The following PPFIA2 variants were observed in gnomAD, a reference collection of about 807,000 sequenced individuals.
PPFIA2 encodes the protein PPFI scaffold protein A2.
In PPFIA2, 46 loss-of-function variants were observed where a neutral mutation model predicts 175.5. The observed-to-expected ratio is 0.26, with a 90% confidence interval of 0.21 to 0.34. The LOEUF is 0.34. Among genes scored for constraint, PPFIA2 ranks in the 10% least tolerant of loss-of-function variants. PPFIA2 has a pLI of 1.00. For missense variants in PPFIA2, 1,179 were observed against 1,506.1 expected (o/e 0.78, Z 3.60); for synonymous variants, 568 against 511.4 (o/e 1.11, Z -1.49).
chr12:81,404,225 T>C (rs1309870395), intron 8 of PPFIA2, among the ~76,000 whole-genome samples: 3 of 152,200 alleles, frequency 2.0e-5, no homozygotes, highest in African/African-American at 7.2e-5. Flanking sequence ...TCTGAAGTTG[T>C]TCATGTCTGA....
chr12:81,350,360 C>A (rs2059803298), intron 17 of PPFIA2: 2 of 152,134 alleles, frequency 1.3e-5, no homozygotes, highest in South Asian at 4.1e-4. Flanking sequence ...TAAAGGTGAG[C>A]AAAGCCAGAT....
chr12:81,398,864 G>C (rs533257133), intron 8 of PPFIA2, among the ~76,000 whole-genome samples: 1 of 151,972 alleles, frequency 6.6e-6, no homozygotes, highest in African/African-American at 2.4e-5. Context: ...ACAATACTAA[G>C]AGTTAAAATA....
chr12:81,405,894 A>C lies in PPFIA2; in HGVS notation c.655T>G (p.Leu219Val). 2 of 1,558,904 alleles carry C rather than the reference A, an allele frequency of 1.3e-6. No homozygotes were observed. Reference sequence around the variant, plus strand: ...TGTATATGAACATTTTGTTCACGCAAGGCAACAATCTGCAAAATAAAAGCA... The same window carrying C: ...TGTATATGAACATTTTGTTCACGCACGGCAACAATCTGCAAAATAAAAGCA... ...LAAANQEIVA[L>V]REQNVHIQRK... The change falls in exon 8 of 33, where the codon TTG becomes GTG. Residue 219 changes from leucine (L) to valine (V), a missense_variant. Around this residue, in one of 10 missense-constraint regions of PPFIA2, gnomAD observed 226 missense variants for 216.6 expected, o/e 1.04. Transcript: ENST00000549396.
At chr12:81,497,736 T>C (rs1196080883) in intron 4 of PPFIA2, among the ~76,000 whole-genome samples, 3 of 151,814 alleles carry the variant, frequency 2.0e-5, no homozygotes, top group African/African-American at 7.3e-5. Context: ...ACAGGGTTTC[T>C]CCATGTTGAT....
intron 4 of PPFIA2, among the ~76,000 whole-genome samples, chr12:81,485,402 ATCCT>A (rs2058704238): frequency 6.6e-6 from 1 of 151,722 alleles, no homozygotes; most frequent in South Asian, 2.1e-4. Context: ...TTTTTTAAAA[ATCCT>A]TAACCTATAA....
intron 4 of PPFIA2, among the ~76,000 whole-genome samples, chr12:81,527,952 A>T (rs975394078): frequency 4.6e-5 from 7 of 152,066 alleles, no homozygotes; most frequent in African/African-American, 1.4e-4. Context: ...TGAGAAATAA[A>T]CTTCTGTTGT....
At chr12:81,336,689 T>C (rs1166836989) in intron 21 of PPFIA2, among the ~76,000 whole-genome samples, 3 of 152,188 alleles carry the variant, frequency 2.0e-5, no homozygotes, top group Non-Finnish European at 1.5e-5. Flanking sequence ...CTCTGCTCTT[T>C]TGAGTTAAAC....
Position 81,439,963 on chromosome 12 carries a change from G to T in PPFIA2, c.645+9C>A. 1 of 1,603,786 alleles carries T rather than the reference G, an allele frequency of 6.2e-7. No individual in the cohort carries two copies. ...GCACCTCAAAAGAGGAGAAAGTGTG[G>T]CAGGTTACCTCCTGATTAGCAGCAG... On this transcript the variant is annotated intron_variant, in intron 7 of 32. Coordinates refer to ENST00000549396, the MANE Select transcript of PPFIA2 (RefSeq NM_003625.5).
At chr12:81,304,531 T>C (rs1367007442) in intron 22 of PPFIA2, among the ~76,000 whole-genome samples, 5 of 152,208 alleles carry the variant, frequency 3.3e-5, no homozygotes, top group Middle Eastern at 3.2e-3. Flanking sequence ...TATAGTGTTC[T>C]GGGAACATAG....
intron 6 of PPFIA2, among the ~76,000 whole-genome samples, chr12:81,441,916 T>G (rs954984934): frequency 1.3e-5 from 2 of 152,132 alleles, no homozygotes; most frequent in African/African-American, 4.8e-5. Context: ...AGAGAGGAAG[T>G]TACCATATTT....
At chr12:81,586,838 T>TAA (rs1221126134) in intron 4 of PPFIA2, among the ~76,000 whole-genome samples, 1 of 151,914 alleles carries the variant, frequency 6.6e-6, no homozygotes, top group Admixed American at 6.6e-5. Flanking sequence ...AAATTTAAGA[T>TAA]AAGCCAATAA....
chr12:81,348,533 C>T (rs1968432), intron 17 of PPFIA2, among the ~76,000 whole-genome samples: 54,314 of 151,708 alleles, frequency 0.36, 10,583 homozygotes, highest in East Asian at 0.54. Flanking sequence ...GTCAGGAGTT[C>T]GAGACCAGCC....
chr12:81,575,815 CTTTTATAA>C (rs1354471086), intron 4 of PPFIA2, among the ~76,000 whole-genome samples: 1 of 151,662 alleles, frequency 6.6e-6, no homozygotes, highest in Admixed American at 6.6e-5. Context: ...GTTTACTACT[CTTTTATAA>C]AAAAGACTAC....
rs572386047 is a variant in PPFIA2 at position 81,739,509 on chromosome 12, C to CT, written c.249+14463dup. 4.1e-4 allele frequency among the ~76,000 whole-genome samples: 62 copies of CT among 151,982 alleles called. No homozygotes were observed. In the South Asian group the frequency reaches 0.013, roughly 31 times the overall value. The stretch of plus-strand genomic sequence containing the variant: ...TGATATTTAGAACTGATTTTATCTC[C>CT]TTTATCTTAGAAATAGATCATGAAA... On this transcript the variant is annotated intron_variant, in intron 3 of 32. Transcript: ENST00000549396.
intron 17 of PPFIA2, among the ~76,000 whole-genome samples, chr12:81,349,450 A>T (rs1220923753): frequency 1.3e-5 from 2 of 152,178 alleles, no homozygotes; most frequent in Non-Finnish European, 2.9e-5. Context: ...TCATGAATGC[A>T]TTTTTTAACT....
chr12:81,356,534 C>T (rs2060879970), intron 16 of PPFIA2, among the ~76,000 whole-genome samples: 1 of 151,542 alleles, frequency 6.6e-6, no homozygotes, highest in African/African-American at 2.4e-5. Flanking sequence ...ATAGTGGTGC[C>T]CGCTTGTGGT....
At chr12:81,709,573 A>G (rs908898131) in intron 3 of PPFIA2, among the ~76,000 whole-genome samples, 2 of 152,028 alleles carry the variant, frequency 1.3e-5, no homozygotes, top group African/African-American at 2.4e-5. Flanking sequence ...TATGTCATAT[A>G]TATTTTACAA....
chr12:81,410,205 T>A (rs887052191), intron 7 of PPFIA2, among the ~76,000 whole-genome samples: 12 of 152,158 alleles, frequency 7.9e-5, no homozygotes, highest in Admixed American at 2.0e-4. Context: ...CTATTGTTTA[T>A]AAATTATGCA....
At chr12:81,277,439 A>AC in intron 27 of PPFIA2, 25 bp from the exon 28 acceptor site, 1 of 1,489,490 alleles carries the variant, frequency 6.7e-7, no homozygotes. Context: ...AAAAAAAAAA[A>AC]AACACAGTGA....
Sources: gnomAD v4.1 joint callset for allele counts (sites outside exome capture counted in the v4.1 genomes callset) on GRCh38, gnomAD v4.1.1 for gene constraint, gnomAD v4.1.1 regional missense constraint, MANE v1.5 for transcripts, NCBI Gene and HGNC (gene_info 2026-07-23, HGNC 2026-07-21) for gene names.